Variants in CAST observed in about 807,000 individuals in gnomAD.
CAST encodes the protein MIR583 host.
Under a neutral mutation model 119.6 loss-of-function variants are expected in CAST, and 76 were observed. The observed-to-expected ratio is 0.64, with a 90% CI of 0.53 to 0.77. The LOEUF is 0.77. Among genes scored for constraint, CAST ranks in the 30% least tolerant of loss-of-function variants. The pLI is 0.00. For missense variants in CAST, 953 were observed against 946.5 expected, an observed-to-expected ratio of 1.01 and a Z score of -0.09; for synonymous variants, 319 against 331.6, an observed-to-expected ratio of 0.96 and a Z score of 0.41.
chr5:96,365,972 T>C, the CAST span, among the ~76,000 whole-genome samples: 1 of 152,200 alleles, frequency 6.6e-6, no homozygotes, highest in African/African-American at 2.4e-5. Context: ...GTACCAGTTG[T>C]TCCTTTCCAT....
the CAST span, among the ~76,000 whole-genome samples, chr5:96,194,183 G>A: frequency 6.6e-6 from 1 of 152,160 alleles, no homozygotes; most frequent in Non-Finnish European, 1.5e-5. Flanking sequence ...CCTGTTCCCT[G>A]ATGATATTAA....
chr5:96,648,022 A>C (rs1234609061), intron 1 of CAST, among the ~76,000 whole-genome samples: 1 of 152,210 alleles, frequency 6.6e-6, no homozygotes, highest in African/African-American at 2.4e-5. Context: ...GCTTTTGGTA[A>C]TTTAGTCTGG....
the CAST span, chr5:96,432,994 A>G: frequency 6.2e-7 from 1 of 1,614,236 alleles, no homozygotes; most frequent in Non-Finnish European, 8.5e-7. Flanking sequence ...CACCAAGCGC[A>G]AAAGAGGACG....
chr5:95,983,714 T>C, the CAST span, among the ~76,000 whole-genome samples: 1 of 152,216 alleles, frequency 6.6e-6, no homozygotes, highest in African/African-American at 2.4e-5. Flanking sequence ...CATATTTATA[T>C]ATGCTTGGAG....
upstream of CAST, among the ~76,000 whole-genome samples, chr5:96,522,600 G>A (rs565330067): frequency 1.3e-5 from 2 of 152,242 alleles, no homozygotes; most frequent in African/African-American, 4.8e-5. Flanking sequence ...ACCTCAGGGT[G>A]AAAAGGGGTC....
the CAST span, among the ~76,000 whole-genome samples, chr5:96,094,966 AC>A: frequency 6.6e-6 from 1 of 152,186 alleles, no homozygotes; most frequent in African/African-American, 2.4e-5. Flanking sequence ...TTTGCTTCTT[AC>A]AATGGCCTGC....
chr5:96,557,657 G>A (rs191585750), intron 1 of CAST, among the ~76,000 whole-genome samples: 61 of 152,246 alleles, frequency 4.0e-4, no homozygotes, highest in African/African-American at 1.4e-3. Flanking sequence ...AGAGCTAACT[G>A]TCCTAAATAT....
chr5:96,084,135 A>G, the CAST span, among the ~76,000 whole-genome samples: 1 of 152,356 alleles, frequency 6.6e-6, no homozygotes, highest in East Asian at 1.9e-4. Flanking sequence ...ACAACTGGCC[A>G]GGAGTGAGCT....
At chr5:96,311,624 TTGA>T in the CAST span, among the ~76,000 whole-genome samples, 19 of 152,260 alleles carry the variant, frequency 1.2e-4, no homozygotes, top group East Asian at 3.5e-3. Context: ...TTTAATCTTC[TTGA>T]TGAAATCACC....
intron 1 of CAST, among the ~76,000 whole-genome samples, chr5:96,530,561 T>C (rs1338943507): frequency 2.0e-5 from 3 of 152,070 alleles, no homozygotes; most frequent in African/African-American, 4.8e-5. Flanking sequence ...TAAAACAATG[T>C]AGTGAAAGAT....
At chr5:96,278,291 T>C in the CAST span, among the ~76,000 whole-genome samples, 1 of 152,158 alleles carries the variant, frequency 6.6e-6, no homozygotes, top group Non-Finnish European at 1.5e-5. Context: ...TGGCCTTTTG[T>C]CCCTTTGTAA....
At chr5:96,497,960 GC>G in the CAST span, among the ~76,000 whole-genome samples, 1 of 152,194 alleles carries the variant, frequency 6.6e-6, no homozygotes, top group Non-Finnish European at 1.5e-5. Context: ...GAATGGTATT[GC>G]CTAGGTTTTC....
the CAST span, among the ~76,000 whole-genome samples, chr5:96,030,492 T>A: frequency 6.6e-6 from 1 of 152,202 alleles, no homozygotes; most frequent in Non-Finnish European, 1.5e-5. Flanking sequence ...CAACCTCATT[T>A]AGGTTAATGA....
chr5:96,566,712 G>A lies in CAST; in HGVS notation c.60+36832G>A, dbSNP rs1331652668. Among the ~76,000 whole-genome samples, 4 of 152,128 alleles carry A rather than the reference G, an allele frequency of 2.6e-5. No individual in the cohort carries two copies. The East Asian group carries it at 7.7e-4, about 29-fold the overall frequency. Reference sequence around the variant, plus strand: ...TGAGATAGATTCGCAATTTTAAAATGCACACAAACTACACATGACCCCTTC... The same window carrying A: ...TGAGATAGATTCGCAATTTTAAAATACACACAAACTACACATGACCCCTTC... On this transcript the variant is annotated intron_variant, in intron 1 of 11. Transcript: ENST00000505143.
At chr5:96,038,401 T>G in the CAST span, among the ~76,000 whole-genome samples, 1 of 152,062 alleles carries the variant, frequency 6.6e-6, no homozygotes, top group Non-Finnish European at 1.5e-5. Context: ...CTTTAAGTTC[T>G]GGGTTACATG....
the CAST span, among the ~76,000 whole-genome samples, chr5:96,501,068 G>C: frequency 2.6e-5 from 4 of 152,144 alleles, no homozygotes; most frequent in Admixed American, 6.5e-5. Context: ...AACAAAGTCA[G>C]GTAGAGTGCC....
chr5:96,111,858 G>T, the CAST span, among the ~76,000 whole-genome samples: 5 of 151,870 alleles, frequency 3.3e-5, no homozygotes, highest in African/African-American at 1.2e-4. Context: ...TGTTTCCCAG[G>T]TTGGTCTCAA....
the CAST span, among the ~76,000 whole-genome samples, chr5:96,382,746 A>G: frequency 1.3e-5 from 2 of 152,180 alleles, no homozygotes; most frequent in African/African-American, 2.4e-5. Flanking sequence ...TGAAATTATT[A>G]TTCCCATTTT....
At chr5:96,393,168 T>C in the CAST span, 4 of 1,614,162 alleles carry the variant, frequency 2.5e-6, no homozygotes, top group Non-Finnish European at 3.4e-6. Flanking sequence ...TCGTAGAAGT[T>C]TTCATAAGGG....
Sources: allele counts gnomAD v4.1 joint callset (sites outside exome capture counted in the v4.1 genomes callset), GRCh38; gene constraint gnomAD v4.1.1; transcripts MANE v1.5; gene names NCBI Gene and HGNC (gene_info 2026-07-23, HGNC 2026-07-21).